The following SLC13A2 variants were observed in gnomAD, a reference collection of about 807,000 sequenced individuals.
SLC13A2 encodes the protein solute carrier family 13 member 2, also known as Na(+)-coupled citrate transporter.
A neutral mutation model predicts 58.5 loss-of-function variants in SLC13A2; 40 were observed. The ratio of observed to expected loss-of-function variants is 0.68; its 90% CI spans 0.53 to 0.89. The LOEUF is 0.89. Ranked by LOEUF, SLC13A2 falls within the 40% of genes least tolerant of loss-of-function variation. The pLI is 0.00. For missense variants in SLC13A2, 694 were observed against 772.6 expected, an observed-to-expected ratio of 0.90 and a Z score of 1.21; for synonymous variants, 341 against 331.6, an observed-to-expected ratio of 1.03 and a Z score of -0.31.
At chr17:28,483,004 G>A (rs1346304780) in intron 1 of SLC13A2, among the ~76,000 whole-genome samples, 1 of 152,234 alleles carries the variant, frequency 6.6e-6, no homozygotes, top group African/African-American at 2.4e-5. Context: ...GGGGCAGAGG[G>A]GCAGTGGGAG....
At chr17:28,480,704 G>A (rs1393488031) in intron 1 of SLC13A2, among the ~76,000 whole-genome samples, 14 of 152,104 alleles carry the variant, frequency 9.2e-5, no homozygotes, top group East Asian at 3.9e-4. Flanking sequence ...TGCTCCCTTC[G>A]CCCTCTGCCT....
In SLC13A2 at chr17:28,494,487, G is replaced by C; in HGVS notation, c.1283G>C (p.Gly428Ala). The C allele has an allele frequency of 6.2e-7, 1 of 1,614,056 alleles. No individual in the cohort carries two copies. The highest frequency in any genetic ancestry group is 2.2e-5 in the East Asian group (1 of 44,860). The stretch of plus-strand genomic sequence containing the variant: ...AATATCGTGTTATTGCTGGGTGGTG[G>C]CTATGCCCTGGCCAAGGGCAGTGAG... ...PWNIVLLLGG[G>A]YALAKGSERS... The change falls in exon 9 of 12, where the codon GGC becomes GCC. Residue 428 changes from glycine (G) to alanine (A), a missense_variant. Gly to Ala is a moderately conservative substitution (Grantham distance 60). Coordinates refer to ENST00000314669, the MANE Select transcript of SLC13A2 (RefSeq NM_003984.4). The surrounding 1 kb of genome is among the most constrained non-coding windows in gnomAD (Gnocchi z 4.0).
At chr17:28,480,456 G>A (rs1369357201) in intron 1 of SLC13A2, among the ~76,000 whole-genome samples, 1 of 152,266 alleles carries the variant, frequency 6.6e-6, no homozygotes, top group Non-Finnish European at 1.5e-5. Context: ...TCTGTTCTGG[G>A]CCCCACCTCT....
Position 28,497,252 on chromosome 17 carries a change from A to AC in SLC13A2, c.1764dup (p.Thr589HisfsTer24), listed in dbSNP as rs11568457. 1.9e-6 allele frequency: 3 copies of AC among 1,613,536 alleles called. No homozygotes were observed. The highest frequency in any genetic ancestry group is 8.5e-7 in the Non-Finnish European group (1 of 1,179,852). ...GTGCCTGCCAAGCCTGGCCAACACC[A>AC]CCACACCAAGCCCCTAGGCTGGGGC... is the stretch of plus-strand genomic sequence containing the variant. On this transcript the variant is annotated frameshift_variant, in exon 12 of 12. Transcript: ENST00000314669. LOFTEE classifies it high-confidence loss of function.
chr17:28,480,059 CA>C (rs2068757561), intron 1 of SLC13A2, among the ~76,000 whole-genome samples: 1 of 151,340 alleles, frequency 6.6e-6, no homozygotes. Context: ...GAGGCTGAGG[CA>C]GGAGATTCTC....
chr17:28,481,392 G>A (rs2068782616), intron 1 of SLC13A2, among the ~76,000 whole-genome samples: 1 of 152,236 alleles, frequency 6.6e-6, no homozygotes, highest in South Asian at 2.1e-4. Context: ...AGGGTAGGAA[G>A]AGTCACCGCC....
At position 28,495,138 on chromosome 17, in the gene SLC13A2, C is replaced by G. The variant is rs528934344; in HGVS notation, c.1309-517C>G. On this transcript the variant is annotated intron_variant, in intron 9 of 11. Coordinates refer to ENST00000314669, the MANE Select transcript of SLC13A2 (RefSeq NM_003984.4). ...CTGAGCGAGATTAAGTCCCACCTTA[C>G]AGCCTGGCATTCCAGACGTGGGAAG... Among the ~76,000 whole-genome samples, 16 of 152,336 alleles carry G rather than the reference C, an allele frequency of 1.1e-4. No individual in the cohort carries two copies. The South Asian group carries it at 2.9e-3, about 28-fold the overall frequency.
At chr17:28,483,845 A>C (rs1458862204) in intron 1 of SLC13A2, among the ~76,000 whole-genome samples, 2 of 152,220 alleles carry the variant, frequency 1.3e-5, no homozygotes, top group Admixed American at 6.5e-5. Context: ...CCAAGGACAC[A>C]CAGCAGTAAA....
chr17:28,491,740 C>A lies in SLC13A2; in HGVS notation c.766C>A (p.Gln256Lys). 1 of 1,614,160 alleles carries A rather than the reference C, an allele frequency of 6.2e-7. No homozygotes were observed. Among genetic ancestry groups the A allele is most frequent in the Non-Finnish European group, 8.5e-7 (1 of 1,180,006 alleles). ...ATGTTCCTCCTTCAGGCTCTTCCCCCAAAACGGCAACGTGGTGAACTTCGC... is the reference window on the plus strand; with the variant it reads ...ATGTTCCTCCTTCAGGCTCTTCCCCAAAAACGGCAACGTGGTGAACTTCGC... ...LQGQINSLFP[Q>K]NGNVVNFASW... Residue 256 changes from glutamine (Q) to lysine (K), a missense_variant, in exon 6 of 12, where the codon CAA (glutamine) becomes AAA (lysine). Coordinates refer to ENST00000314669, the MANE Select transcript of SLC13A2 (RefSeq NM_003984.4).
At chr17:28,475,056 T>C (rs1597864236) in intron 1 of SLC13A2, among the ~76,000 whole-genome samples, 1 of 152,292 alleles carries the variant, frequency 6.6e-6, no homozygotes, top group African/African-American at 2.4e-5. Flanking sequence ...GCCGGTGGCA[T>C]CTCAGTGCTA....
At chr17:28,480,591 C>T (rs1370526657) in intron 1 of SLC13A2, among the ~76,000 whole-genome samples, 2 of 152,116 alleles carry the variant, frequency 1.3e-5, no homozygotes, top group South Asian at 2.1e-4. Context: ...GTGACCTGAC[C>T]GAGCCTCTTC....
Position 28,494,621 on chromosome 17 carries a change from G to A in SLC13A2, c.1308+109G>A. 1 of 1,502,898 alleles carries A rather than the reference G, an allele frequency of 6.7e-7. No homozygotes were observed. The highest frequency in any genetic ancestry group is 9.0e-7 in the Non-Finnish European group (1 of 1,111,788). 93.1% of individuals were successfully genotyped at this position (1,502,898 alleles called of 1,614,324 possible). ...GAGGGGAGACCTGGTCCCCACGTAG[G>A]AGCCTCTCGGGTAGGCAGAGCCTTT... On this transcript the variant is annotated intron_variant, in intron 9 of 11. Coordinates refer to ENST00000314669, the MANE Select transcript of SLC13A2 (RefSeq NM_003984.4). The surrounding 1 kb of genome is among the most constrained non-coding windows in gnomAD (Gnocchi z 4.0).
chr17:28,490,648 C>A (rs2068993862), intron 3 of SLC13A2, 53 bp from the exon 4 acceptor site: 3 of 1,590,098 alleles, frequency 1.9e-6, no homozygotes, highest in African/African-American at 2.7e-5. Context: ...TTCTGGGCAC[C>A]CAGTCCCTGA....
intron 1 of SLC13A2, among the ~76,000 whole-genome samples, chr17:28,486,200 A>T (rs1481058341): frequency 6.6e-6 from 1 of 152,212 alleles, no homozygotes; most frequent in African/African-American, 2.4e-5. Flanking sequence ...CAAAATAATG[A>T]TGGAGGTAAA....
Position 28,493,659 on chromosome 17 carries a change from G to A in SLC13A2, c.967G>A (p.Gly323Ser). 1 of 1,614,224 alleles carries A rather than the reference G, an allele frequency of 6.2e-7. No individual in the cohort carries two copies. Among genetic ancestry groups the A allele is most frequent in the South Asian group, 1.1e-5 (1 of 91,082 alleles). ...CVIQTEHRLLGPMTFAEKAIS... is the reference protein window; with the variant it reads ...CVIQTEHRLLSPMTFAEKAIS... The stretch of plus-strand genomic sequence containing the variant: ...CATCCAGACCGAGCACAGGCTGCTG[G>A]GCCCCATGACCTTTGCAGAAAAGGC... The change falls in exon 7 of 12, where the codon GGC becomes AGC. Residue 323 changes from glycine to serine, a missense_variant. Physicochemically the swap from Gly to Ser is moderately conservative, Grantham distance 56. Transcript: ENST00000314669.
At position 28,494,449 on chromosome 17, in the gene SLC13A2, G is replaced by T; in HGVS notation, c.1245G>T (p.Gln415His). Residue 415 changes from glutamine to histidine, a missense_variant, in exon 9 of 12, where the codon CAG becomes CAT. Coordinates refer to ENST00000314669, the MANE Select transcript of SLC13A2 (RefSeq NM_003984.4). This position sits in a 1 kb window ranked among gnomAD's most constrained non-coding sequence, Gnocchi z 4.0. ...TCCTCGACTGGAAGACGGTGAACCA[G>T]AAGATGCCGTGGAATATCGTGTTAT... Reference protein sequence around the residue: ...LGLLDWKTVNQKMPWNIVLLL... With the variant: ...LGLLDWKTVNHKMPWNIVLLL... 6.2e-7 allele frequency: 1 copy of T among 1,614,200 alleles called. No individual in the cohort carries two copies.
chr17:28,490,952 G>C (rs1555603277), intron 4 of SLC13A2, 46 bp downstream of exon 4: 2 of 1,526,106 alleles, frequency 1.3e-6, no homozygotes, highest in Admixed American at 3.8e-5. Flanking sequence ...TTGGTTCTTG[G>C]AGAGAGTCTG....
At chr17:28,486,591 C>T (rs1164599997) in intron 1 of SLC13A2, among the ~76,000 whole-genome samples, 1 of 152,038 alleles carries the variant, frequency 6.6e-6, no homozygotes, top group Non-Finnish European at 1.5e-5. Flanking sequence ...AGACTGAGGA[C>T]ACCCTCAAAT....
chr17:28,479,442 A>C (rs1480456533), intron 1 of SLC13A2, among the ~76,000 whole-genome samples: 1 of 152,134 alleles, frequency 6.6e-6, no homozygotes, highest in Admixed American at 6.5e-5. Flanking sequence ...TCAGCCCTAC[A>C]AGGCTACAGG....
Sources: allele counts gnomAD v4.1 joint callset (sites outside exome capture counted in the v4.1 genomes callset), GRCh38; gene constraint gnomAD v4.1.1; non-coding constraint Gnocchi (gnomAD v3.1); transcripts MANE v1.5; gene names NCBI Gene and HGNC (gene_info 2026-07-23, HGNC 2026-07-21).